PROCR: variants seen among roughly 807,000 people sequenced by gnomAD.
PROCR encodes protein C receptor, also known as endothelial protein C receptor.
Under a neutral mutation model 24.2 loss-of-function variants are expected in PROCR, and 22 were observed. That is an observed-to-expected ratio of 0.91 (90% CI 0.65 to 1.30). The LOEUF (loss-of-function observed/expected upper bound fraction) is 1.30. Ranked by LOEUF, PROCR falls within the 50% of genes most tolerant of loss-of-function variation. The pLI is 0.00. For synonymous variants in PROCR, 137 were observed against 139.2 expected (o/e 0.98, Z 0.11); for missense variants, 288 against 307.7 (o/e 0.94, Z 0.48).
At chr20:35,201,180 A>G (rs6142323) in intron 1 of PROCR, among the ~76,000 whole-genome samples, 57,324 of 150,440 alleles carry the variant, frequency 0.38, 12,157 homozygotes, top group East Asian at 0.64. Flanking sequence ...AAAAAAAAAA[A>G]CCACAAAAGA....
chr20:35,180,119 G>A (rs1482863443), downstream of PROCR, among the ~76,000 whole-genome samples: 1 of 152,084 alleles, frequency 6.6e-6, no homozygotes, highest in Non-Finnish European at 1.5e-5. Context: ...GGTGATGCAC[G>A]CTTGTAATCC....
chr20:35,196,492 T>C (rs2086217868), intron 1 of PROCR, among the ~76,000 whole-genome samples: 1 of 152,094 alleles, frequency 6.6e-6, no homozygotes, highest in African/African-American at 2.4e-5. Context: ...AATCACATGT[T>C]ACATATGGGG....
chr20:35,204,552 T>C (rs2060331018), intron 1 of PROCR, among the ~76,000 whole-genome samples: 1 of 152,034 alleles, frequency 6.6e-6, no homozygotes, highest in Non-Finnish European at 1.5e-5. Context: ...TTTTTTGTAT[T>C]TTTAGTAGAG....
downstream of PROCR, among the ~76,000 whole-genome samples, chr20:35,180,128 C>T (rs2086064196): frequency 6.6e-6 from 1 of 152,094 alleles, no homozygotes; most frequent in South Asian, 2.1e-4. Flanking sequence ...CGCTTGTAAT[C>T]CCAGCTACTA....
At position 35,190,897 on chromosome 20, in the gene PROCR, G is replaced by A. The variant is rs143146466; in HGVS notation, c.94+14451G>A. On this transcript the variant is annotated intron_variant, in intron 1 of 1. Transcript: ENST00000634509. ...TTTTTTTGAGACAGAGTCTCGCTCC[G>A]TCGCCAGGCTGGAGTGCAGTGGTGT... is the stretch of plus-strand genomic sequence containing the variant. Among the ~76,000 whole-genome samples the A allele has an allele frequency of 3.3e-3, 501 of 152,098 alleles. 3 individuals carry two copies. Among genetic ancestry groups the A allele is most frequent in the South Asian group, 8.7e-3 (42 of 4,810 alleles).
At chr20:35,201,290 C>T (rs1456482625) in intron 1 of PROCR, among the ~76,000 whole-genome samples, 1 of 151,850 alleles carries the variant, frequency 6.6e-6, no homozygotes, top group African/African-American at 2.4e-5. Context: ...ATGGAGGAGA[C>T]AAGCAGAAAA....
intron 1 of PROCR, chr20:35,202,830 T>TA (rs984601010): frequency 6.6e-5 from 10 of 152,152 alleles, no homozygotes; most frequent in Non-Finnish European, 1.3e-4. Flanking sequence ...AAAACCTGGA[T>TA]AACATTATCA....
chr20:35,204,353 C>T (rs968140095), intron 1 of PROCR, among the ~76,000 whole-genome samples: 1 of 147,704 alleles, frequency 6.8e-6, no homozygotes, highest in Non-Finnish European at 1.5e-5. Flanking sequence ...TTCCTTCCTC[C>T]CTCCCTCCCT....
At chr20:35,199,691 T>C (rs951311979) in intron 1 of PROCR, among the ~76,000 whole-genome samples, 1 of 148,750 alleles carries the variant, frequency 6.7e-6, no homozygotes, top group African/African-American at 2.5e-5. Flanking sequence ...GAGGTTGCAG[T>C]GAGCCAAGAT....
chr20:35,190,509 C>A (rs2086164743), intron 1 of PROCR, among the ~76,000 whole-genome samples: 1 of 152,154 alleles, frequency 6.6e-6, no homozygotes, highest in South Asian at 2.1e-4. Context: ...TTTTATTAAG[C>A]CTTTCATTTT....
At chr20:35,214,729 C>G (rs1316182321) in intron 1 of PROCR, among the ~76,000 whole-genome samples, 1 of 151,580 alleles carries the variant, frequency 6.6e-6, no homozygotes, top group Non-Finnish European at 1.5e-5. Flanking sequence ...GCATAGTGTC[C>G]CATTGTATGC....
chr20:35,175,084 T>C, intron 2 of PROCR, 131 bp downstream of exon 2: 3 of 1,104,650 alleles, frequency 2.7e-6, no homozygotes, highest in Non-Finnish European at 2.5e-6. Context: ...TGGAGCTCGG[T>C]GGCGCCTGGG....
intron 1 of PROCR, among the ~76,000 whole-genome samples, chr20:35,173,423 CTTTTTTTTTTTTT>C (rs58785250): frequency 5.7e-5 from 5 of 88,152 alleles, no homozygotes; most frequent in East Asian, 7.1e-4. Context: ...TTTCTTTTTT[CTTTTTTTTTTTTT>C]TTTTTTTTTT....
intron 1 of PROCR, among the ~76,000 whole-genome samples, chr20:35,209,557 G>C (rs984539077): frequency 6.6e-6 from 1 of 152,124 alleles, no homozygotes; most frequent in African/African-American, 2.4e-5. Context: ...AGAGTAGAAG[G>C]CTTATAACTT....
chr20:35,178,564 G>T (rs2086049351), downstream of PROCR, among the ~76,000 whole-genome samples: 1 of 66,596 alleles, frequency 1.5e-5, no homozygotes, highest in Non-Finnish European at 2.5e-5. Context: ...CGCCCAGGCT[G>T]GAGTGCAGTG....
intron 1 of PROCR, among the ~76,000 whole-genome samples, chr20:35,214,409 G>A (rs577114669): frequency 1.1e-3 from 168 of 152,118 alleles, no homozygotes; most frequent in South Asian, 3.3e-3. Flanking sequence ...GCATTGGGCC[G>A]GGCGCGGTGG....
chr20:35,196,841 A>C (rs2086220207), intron 1 of PROCR, among the ~76,000 whole-genome samples: 1 of 152,220 alleles, frequency 6.6e-6, no homozygotes, highest in African/African-American at 2.4e-5. Flanking sequence ...CCTTACATAA[A>C]GTTATTTATG....
chr20:35,195,448 C>G (rs1241537665), intron 1 of PROCR: 1 of 151,984 alleles, frequency 6.6e-6, no homozygotes, highest in Non-Finnish European at 1.5e-5. Context: ...TGTTTTTAAA[C>G]AATCAGACAC....
chr20:35,172,579 G>A (rs2085961808), intron 1 of PROCR, among the ~76,000 whole-genome samples: 2 of 152,084 alleles, frequency 1.3e-5, no homozygotes, highest in Admixed American at 1.3e-4. Context: ...GACGGGAAGA[G>A]GCTCAGAAGA....
Sources: allele counts gnomAD v4.1 joint callset (sites outside exome capture counted in the v4.1 genomes callset), GRCh38; gene constraint gnomAD v4.1.1; transcripts MANE v1.5; gene names NCBI Gene and HGNC (gene_info 2026-07-23, HGNC 2026-07-21).